PLCB1: variants seen among roughly 807,000 people sequenced by gnomAD.
PLCB1 encodes the protein 1-phosphatidylinositol 4,5-bisphosphate phosphodiesterase beta-1.
Under a neutral mutation model 161.8 loss-of-function variants are expected in PLCB1, and 46 were observed. That is an observed-to-expected ratio of 0.28 (90% confidence interval 0.22 to 0.36). The LOEUF is 0.36. PLCB1 is among the 10% of genes least tolerant of loss of function. The pLI is 1.00. For missense variants in PLCB1, 1,016 were observed against 1,472.5 expected (o/e 0.69, Z 5.07); for synonymous variants, 517 against 503.7 (o/e 1.03, Z -0.35).
At chr20:8,349,543 T>C (rs1986112293) in intron 2 of PLCB1, among the ~76,000 whole-genome samples, 1 of 152,216 alleles carries the variant, frequency 6.6e-6, no homozygotes, top group African/African-American at 2.4e-5. Context: ...AAAGGAGCTG[T>C]CTGAATAATT....
At chr20:8,752,559 G>A (rs914043919) in intron 23 of PLCB1, among the ~76,000 whole-genome samples, 4 of 152,160 alleles carry the variant, frequency 2.6e-5, no homozygotes, top group Middle Eastern at 6.8e-3. Flanking sequence ...TTGGGAGACC[G>A]AGGCAGGTGG....
rs184388935 is a variant in PLCB1, at chr20:8,212,440, G to C, written c.177+62069G>C. ...AATACGGTGGGTGAAAAGAGCCCTGGAGTAAGATTCTGACAGGAGACTTCC... is the reference window on the plus strand; with the variant it reads ...AATACGGTGGGTGAAAAGAGCCCTGCAGTAAGATTCTGACAGGAGACTTCC... On this transcript the variant is annotated intron_variant, in intron 2 of 31. Transcript: ENST00000338037. Among the ~76,000 whole-genome samples the C allele has an allele frequency of 7.1e-4, 108 of 152,168 alleles. 1 individual carries two copies. The highest frequency in any genetic ancestry group is 3.4e-3 in the Middle Eastern group (1 of 294).
intron 3 of PLCB1, among the ~76,000 whole-genome samples, chr20:8,563,506 C>G (rs1173484732): frequency 6.6e-6 from 1 of 151,930 alleles, no homozygotes; most frequent in African/African-American, 2.4e-5. Context: ...GTCTCCTGGA[C>G]ACAGTGCAAT....
intron 2 of PLCB1, among the ~76,000 whole-genome samples, chr20:8,309,008 T>A (rs1197576698): frequency 6.6e-6 from 1 of 152,030 alleles, no homozygotes; most frequent in African/African-American, 2.4e-5. Flanking sequence ...AACTGAGTAT[T>A]ATTGGGGGAA....
chr20:8,539,617 T>TTTCTTTCTTTCTTTCTTTCTTTCC (rs1568499347), intron 3 of PLCB1, among the ~76,000 whole-genome samples: 651 of 55,100 alleles, frequency 0.012, 41 homozygotes, highest in African/African-American at 0.015. Context: ...TTTTCTTTAT[T>TTTCTTTCTTTCTTTCTTTCTTTCC]TTCTTTCTTT....
At chr20:8,463,933 C>T (rs540773669) in intron 3 of PLCB1, among the ~76,000 whole-genome samples, 116 of 152,212 alleles carry the variant, frequency 7.6e-4, no homozygotes, top group African/African-American at 2.7e-3. Context: ...TCTGACTTTG[C>T]ATTTGGGATT....
chr20:8,544,564 G>A (rs551205542), intron 3 of PLCB1, among the ~76,000 whole-genome samples: 2 of 152,322 alleles, frequency 1.3e-5, no homozygotes, highest in South Asian at 2.1e-4. Flanking sequence ...TGTGAATGCT[G>A]GAAAAGTGCT....
At chr20:8,741,399 T>C in intron 22 of PLCB1, 65 bp from the exon 23 acceptor site, 1 of 1,070,050 alleles carries the variant, frequency 9.3e-7, no homozygotes, top group Non-Finnish European at 1.4e-6. Flanking sequence ...GATGAGTAAG[T>C]AGATGAATGA....
Position 8,395,723 on chromosome 20 carries a change from A to G in PLCB1, c.246+24273A>G, listed in dbSNP as rs180765367. 1.4e-3 allele frequency among the ~76,000 whole-genome samples: 212 copies of G among 152,066 alleles called. 1 individual carries two copies. The highest frequency in any genetic ancestry group is 2.1e-3 in the South Asian group (10 of 4,824). On this transcript the variant is annotated intron_variant, in intron 3 of 31. Transcript: ENST00000338037. ...TAGCTGCTCAAAATTTCATGGTTTG[A>G]GTTGAGAATTCTTAAGTCAAATAAT...
At chr20:8,834,410 CATATGT>C (rs1352690574) in intron 31 of PLCB1, among the ~76,000 whole-genome samples, 1 of 151,690 alleles carries the variant, frequency 6.6e-6, no homozygotes, top group African/African-American at 2.4e-5. Context: ...TTCACCCTTA[CATATGT>C]ATGTGTATGT....
At chr20:8,350,653 T>C (rs578029551) in intron 2 of PLCB1, among the ~76,000 whole-genome samples, 1 of 152,312 alleles carries the variant, frequency 6.6e-6, no homozygotes, top group Admixed American at 6.5e-5. Context: ...TCTAGATCTT[T>C]GAGGAATCAC....
Position 8,729,107 on chromosome 20 carries a change from C to T in PLCB1, c.1821C>T (p.Ser607=). The change falls in exon 18 of 32, where the codon TCC becomes TCT. Residue 607 remains serine, a synonymous_variant. Transcript: ENST00000338037. Reference sequence around the variant, plus strand: ...CAAAAGGAACACGTGTGGATTCATCCAACTATATGCCTCAGCTCTTCTGGA... The same window carrying T: ...CAAAAGGAACACGTGTGGATTCATCTAACTATATGCCTCAGCTCTTCTGGA... The part of the protein sequence containing the change: ...IYPKGTRVDS[S]NYMPQLFWNA... 1 of 1,612,218 alleles carries T rather than the reference C, an allele frequency of 6.2e-7. No homozygotes were observed. Among genetic ancestry groups the T allele is most frequent in the Non-Finnish European group, 8.5e-7 (1 of 1,178,718 alleles).
intron 3 of PLCB1, among the ~76,000 whole-genome samples, chr20:8,471,308 G>A (rs906491902): frequency 1.3e-5 from 2 of 152,122 alleles, no homozygotes; most frequent in Non-Finnish European, 2.9e-5. Flanking sequence ...TCAAAGCAAG[G>A]ACTGTACATG....
At chr20:8,331,884 A>G (rs889414008) in intron 2 of PLCB1, among the ~76,000 whole-genome samples, 2 of 152,208 alleles carry the variant, frequency 1.3e-5, no homozygotes, top group East Asian at 3.9e-4. Flanking sequence ...AATGTAAGGT[A>G]ATACACATCA....
intron 4 of PLCB1, among the ~76,000 whole-genome samples, chr20:8,636,494 A>G (rs1473365466): frequency 6.6e-6 from 1 of 152,244 alleles, no homozygotes; most frequent in Non-Finnish European, 1.5e-5. Flanking sequence ...TTGTGAAAAC[A>G]TCGTCTATCT....
chr20:8,755,542 A>G (rs1422399550), intron 23 of PLCB1, among the ~76,000 whole-genome samples: 1 of 152,216 alleles, frequency 6.6e-6, no homozygotes, highest in Non-Finnish European at 1.5e-5. Flanking sequence ...CAATTATTTT[A>G]TAAGGATCAG....
At chr20:8,283,911 A>G (rs1201657653) in intron 2 of PLCB1, among the ~76,000 whole-genome samples, 1 of 152,024 alleles carries the variant, frequency 6.6e-6, no homozygotes, top group Non-Finnish European at 1.5e-5. Context: ...CTGTTTTTCT[A>G]CTTATAAATT....
At chr20:8,523,496 C>CTCTCTCTCTCTCTCTATATATATA in intron 3 of PLCB1, among the ~76,000 whole-genome samples, 37 of 51,640 alleles carry the variant, frequency 7.2e-4, no homozygotes, top group Admixed American at 3.1e-3. Context: ...CTCTCTCTCT[C>CTCTCTCTCTCTCTCTATATATATA]TATATATATA....
intron 9 of PLCB1, among the ~76,000 whole-genome samples, chr20:8,670,191 C>G (rs181221198): frequency 1.1e-3 from 162 of 152,294 alleles, no homozygotes; most frequent in Non-Finnish European, 1.8e-3. Context: ...CTTTCTATGT[C>G]ATTTTAAAGG....
Sources: gnomAD v4.1 joint callset for allele counts (sites outside exome capture counted in the v4.1 genomes callset) on GRCh38, gnomAD v4.1.1 for gene constraint, MANE v1.5 for transcripts, NCBI Gene and HGNC (gene_info 2026-07-23, HGNC 2026-07-21) for gene names.